Variants in NXPE4 observed in about 807,000 individuals in gnomAD.
The protein encoded by NXPE4 is NXPE family member 4.
In NXPE4, 42 loss-of-function variants were observed where a neutral mutation model predicts 33.3. That is an observed-to-expected ratio of 1.26 (90% CI 0.98 to 1.63). NXPE4 has a LOEUF of 1.63. Among genes scored for constraint, NXPE4 ranks in the 40% most tolerant of loss-of-function variants. The pLI is 0.00. For synonymous variants in NXPE4, 253 were observed against 234.9 expected, an observed-to-expected ratio of 1.08 and a Z score of -0.71; for missense variants, 709 against 647.6, an observed-to-expected ratio of 1.09 and a Z score of -1.03.
chr11:114,644,508 A>G, the NXPE4 span, among the ~76,000 whole-genome samples: 1 of 152,324 alleles, frequency 6.6e-6, no homozygotes, highest in South Asian at 2.1e-4. Flanking sequence ...CAGTAATAAT[A>G]ACTTACTAAA....
At chr11:114,630,032 A>C in the NXPE4 span, among the ~76,000 whole-genome samples, 2 of 151,436 alleles carry the variant, frequency 1.3e-5, no homozygotes, top group East Asian at 1.9e-4. Flanking sequence ...GGATACAAAC[A>C]AATGGAAGAA....
the NXPE4 span, among the ~76,000 whole-genome samples, chr11:114,664,297 A>G: frequency 2.6e-5 from 4 of 152,174 alleles, no homozygotes; most frequent in Non-Finnish European, 5.9e-5. Flanking sequence ...CAAAACCATC[A>G]TGGCAGAAAA....
chr11:114,614,351 C>T, the NXPE4 span, among the ~76,000 whole-genome samples: 866 of 151,326 alleles, frequency 5.7e-3, 4 homozygotes, highest in Non-Finnish European at 9.5e-3. Context: ...ATAAGTGTTG[C>T]CTCTAGGGTA....
the NXPE4 span, among the ~76,000 whole-genome samples, chr11:114,635,123 A>G: frequency 6.6e-6 from 1 of 150,810 alleles, no homozygotes; most frequent in Non-Finnish European, 1.5e-5. Context: ...ATTTGTTTGT[A>G]TCCTCTTTTA....
intron 2 of NXPE4, among the ~76,000 whole-genome samples, chr11:114,588,417 C>A (rs1282416459): frequency 6.6e-6 from 1 of 152,178 alleles, no homozygotes; most frequent in Non-Finnish European, 1.5e-5. Context: ...AGGTGTCTAA[C>A]CTCTCATGGA....
chr11:114,599,637 C>A (rs1949615522), upstream of NXPE4, among the ~76,000 whole-genome samples: 1 of 152,138 alleles, frequency 6.6e-6, no homozygotes. Flanking sequence ...CCTCAGGGAG[C>A]TTTTACTCAT....
At chr11:114,659,397 A>C in the NXPE4 span, among the ~76,000 whole-genome samples, 5 of 151,562 alleles carry the variant, frequency 3.3e-5, no homozygotes, top group African/African-American at 1.2e-4. Flanking sequence ...GAATCAGTGA[A>C]TGTGAGGATA....
intron 5 of NXPE4, among the ~76,000 whole-genome samples, chr11:114,577,022 T>TAC (rs1565329164): frequency 3.7e-5 from 1 of 27,242 alleles, no homozygotes; most frequent in Non-Finnish European, 6.3e-5. Context: ...TATATATATA[T>TAC]ATATACATAT....
intron 5 of NXPE4, among the ~76,000 whole-genome samples, chr11:114,575,902 A>C (rs777357676): frequency 2.6e-5 from 4 of 152,206 alleles, no homozygotes; most frequent in Non-Finnish European, 4.4e-5. Context: ...AAGTAAGACT[A>C]AGCAAAAAGA....
the NXPE4 span, among the ~76,000 whole-genome samples, chr11:114,628,161 C>G: frequency 7.0e-6 from 1 of 143,848 alleles, no homozygotes; most frequent in African/African-American, 2.7e-5. Flanking sequence ...AGCTCTGCAC[C>G]AAGTGGACCT....
At chr11:114,605,091 C>T in the NXPE4 span, among the ~76,000 whole-genome samples, 6 of 150,802 alleles carry the variant, frequency 4.0e-5, no homozygotes, top group East Asian at 3.9e-4. Context: ...AATATTGCCT[C>T]GTGGGTAACA....
intron 2 of NXPE4, among the ~76,000 whole-genome samples, chr11:114,586,016 T>A (rs558202345): frequency 6.6e-6 from 1 of 152,322 alleles, no homozygotes; most frequent in Non-Finnish European, 1.5e-5. Context: ...AGCCAGCTTC[T>A]TCATATGCTA....
chr11:114,623,763 A>T, the NXPE4 span, among the ~76,000 whole-genome samples: 1 of 151,382 alleles, frequency 6.6e-6, no homozygotes, highest in African/African-American at 2.4e-5. Flanking sequence ...TGGATAATAC[A>T]TGTTGCCTCG....
At chr11:114,574,935 A>G (rs1317755042) in intron 5 of NXPE4, among the ~76,000 whole-genome samples, 2 of 152,160 alleles carry the variant, frequency 1.3e-5, no homozygotes, top group Non-Finnish European at 2.9e-5. Context: ...TAGATGCTAA[A>G]ATCCTCACCA....
the NXPE4 span, among the ~76,000 whole-genome samples, chr11:114,641,195 A>C: frequency 6.6e-6 from 1 of 152,044 alleles, no homozygotes; most frequent in African/African-American, 2.4e-5. Context: ...GAAATAATCA[A>C]GAAGGAATAT....
At chr11:114,672,720 G>A in the NXPE4 span, among the ~76,000 whole-genome samples, 9 of 151,804 alleles carry the variant, frequency 5.9e-5, no homozygotes, top group African/African-American at 2.2e-4. Context: ...AATGAGGAAC[G>A]TTTTCTAATG....
chr11:114,653,181 G>C, the NXPE4 span, among the ~76,000 whole-genome samples: 5 of 152,068 alleles, frequency 3.3e-5, no homozygotes, highest in South Asian at 2.1e-4. Context: ...CTGGAGAAAG[G>C]GTTTTTAAAA....
the NXPE4 span, among the ~76,000 whole-genome samples, chr11:114,666,745 TA>T: frequency 1.6e-3 from 251 of 152,288 alleles, 3 homozygotes; most frequent in Admixed American, 0.016. Context: ...GAAGCTTTTA[TA>T]AGGTAGAATA....
At position 114,571,484 on chromosome 11, in the gene NXPE4, A is replaced by G; in HGVS notation, c.1100-11T>C. ...CCACTGACTTCAGTGCTGATAACAA[A>G]TAGGCAATCCCAAAATAAAAGGAGG... is the stretch of plus-strand genomic sequence containing the variant. On this transcript the variant is annotated splice_polypyrimidine_tract_variant and intron_variant, in intron 5 of 5. Coordinates refer to ENST00000375478, the MANE Select transcript of NXPE4 (RefSeq NM_001077639.2). 6.3e-7 allele frequency: 1 copy of G among 1,577,862 alleles called. No homozygotes were observed. Among genetic ancestry groups the G allele is most frequent in the Non-Finnish European group, 8.6e-7 (1 of 1,159,810 alleles).
Sources: allele counts gnomAD v4.1 joint callset (sites outside exome capture counted in the v4.1 genomes callset), GRCh38; gene constraint gnomAD v4.1.1; transcripts MANE v1.5; gene names NCBI Gene and HGNC (gene_info 2026-07-23, HGNC 2026-07-21).